DENND5A: variants seen among roughly 807,000 people sequenced by gnomAD.
DENND5A encodes DENN domain containing 5A, also known as DENN domain-containing protein 5A.
DENND5A carries 64 observed loss-of-function variants against 140.3 expected under a neutral mutation model. The ratio of observed to expected loss-of-function variants is 0.46; its 90% CI spans 0.37 to 0.56. The LOEUF is 0.56. DENND5A is among the 20% of genes least tolerant of loss of function. The probability of loss-of-function intolerance (pLI) is 0.00; values close to 1 mark genes in which losing one functional copy is unlikely to be tolerated. For synonymous variants in DENND5A, 605 were observed against 607.7 expected (o/e 1.00, Z 0.07); for missense variants, 1,292 against 1,593.8 (o/e 0.81, Z 3.22).
At chr11:9,228,735 T>A (rs1333186527) in intron 1 of DENND5A, among the ~76,000 whole-genome samples, 2 of 149,006 alleles carry the variant, frequency 1.3e-5, no homozygotes, top group African/African-American at 5.0e-5. Context: ...AAAAAAAACA[T>A]AAACAACAGG....
chr11:9,218,665 G>A lies in DENND5A; in HGVS notation c.110-11033C>T, dbSNP rs1040791867. 2.0e-5 allele frequency among the ~76,000 whole-genome samples: 3 copies of A among 152,138 alleles called. No homozygotes were observed. The East Asian group carries it at 5.8e-4, about 29-fold the overall frequency. On this transcript the variant is annotated intron_variant, in intron 1 of 22. Coordinates refer to ENST00000328194, the MANE Select transcript of DENND5A (RefSeq NM_015213.4). ...ATGAAGGTTAGAGTGAGCTGTGATC[G>A]TGTCACTGCACTCCAGCTGGGTGAC...
intron 17 of DENND5A, chr11:9,145,339 G>GGGA: frequency 3.4e-6 from 2 of 588,626 alleles, no homozygotes; most frequent in Non-Finnish European, 6.0e-6. Context: ...GGGTCAGGGA[G>GGGA]CAAGAGATTC....
At chr11:9,232,445 A>G (rs894388921) in intron 1 of DENND5A, among the ~76,000 whole-genome samples, 27 of 152,224 alleles carry the variant, frequency 1.8e-4, no homozygotes, top group African/African-American at 5.3e-4. Flanking sequence ...ACTTCAAAAA[A>G]GACATATAAA....
rs982351926 is a variant in DENND5A, at chr11:9,193,479, C to T, written c.1137+15G>A. The T allele has an allele frequency of 1.9e-6, 3 of 1,570,172 alleles. No individual in the cohort carries two copies. Among genetic ancestry groups the T allele is most frequent in the South Asian group, 1.2e-5 (1 of 83,788 alleles). ...CCTGGATTGGGGCCAGAGGCACCAA[C>T]ACTCAAGATCTCACCTCTTGAGGCA... is the stretch of plus-strand genomic sequence containing the variant. On this transcript the variant is annotated intron_variant, in intron 5 of 22. Transcript: ENST00000328194.
chr11:9,170,667 G>T lies in DENND5A; in HGVS notation c.2017C>A (p.Leu673Met), dbSNP rs763748455. Reference protein sequence around the residue: ...GKYEPGFFPKLQSDVLSTGPA... With the variant: ...GKYEPGFFPKMQSDVLSTGPA... ...CCAGTGGAAAGTACATCAGACTGCAGCTTAGGGAAGAAGCCCGGCTCATAT... is the reference window on the plus strand; with the variant it reads ...CCAGTGGAAAGTACATCAGACTGCATCTTAGGGAAGAAGCCCGGCTCATAT... The change falls in exon 9 of 23, where the codon CTG becomes ATG. Residue 673 changes from leucine to methionine, a missense_variant. By Grantham distance (15) the Leu-to-Met change is conservative. Coordinates refer to ENST00000328194, the MANE Select transcript of DENND5A (RefSeq NM_015213.4). 3 of 1,613,894 alleles carry T rather than the reference G, an allele frequency of 1.9e-6. No individual in the cohort carries two copies. Among genetic ancestry groups the T allele is most frequent in the South Asian group, 1.1e-5 (1 of 91,074 alleles).
Position 9,203,846 on chromosome 11 carries a change from G to T in DENND5A, c.763C>A (p.Pro255Thr). The T allele has an allele frequency of 6.2e-7, 1 of 1,614,188 alleles. No homozygotes were observed. The highest frequency in any genetic ancestry group is 8.5e-7 in the Non-Finnish European group (1 of 1,180,034). ...GAAAACTTCAAGGACCGGCCAGGAG[G>T]TGGGAGCGGCACCTCGTAGAGTACG... ...YNVLYEVPLP[P>T]PGRSLKFSGV... Residue 255 changes from proline to threonine, a missense_variant, in exon 4 of 23, where the codon CCT (proline) becomes ACT (threonine). Transcript: ENST00000328194.
intron 1 of DENND5A, among the ~76,000 whole-genome samples, chr11:9,227,020 T>A (rs1850556020): frequency 6.6e-6 from 1 of 151,616 alleles, no homozygotes; most frequent in Non-Finnish European, 1.5e-5. Flanking sequence ...AATACAAAAT[T>A]AGCCGGGCAT....
At chr11:9,245,677 A>C (rs1851442094) in intron 1 of DENND5A, among the ~76,000 whole-genome samples, 1 of 151,576 alleles carries the variant, frequency 6.6e-6, no homozygotes, top group Non-Finnish European at 1.5e-5. Flanking sequence ...TCTGTCCCCT[A>C]GGCTGGAGTG....
At chr11:9,183,138 G>A (rs948861312) in intron 5 of DENND5A, among the ~76,000 whole-genome samples, 2 of 152,158 alleles carry the variant, frequency 1.3e-5, no homozygotes, top group Non-Finnish European at 2.9e-5. Flanking sequence ...ATAAATTACA[G>A]AAGCCTTTCA....
chr11:9,228,227 G>C (rs1405403518), intron 1 of DENND5A, among the ~76,000 whole-genome samples: 2 of 151,512 alleles, frequency 1.3e-5, no homozygotes, highest in Non-Finnish European at 2.9e-5. Flanking sequence ...CTAATGACAT[G>C]ACTGGTGACC....
intron 1 of DENND5A, among the ~76,000 whole-genome samples, chr11:9,241,086 C>G (rs1414178511): frequency 6.6e-6 from 1 of 152,168 alleles, no homozygotes; most frequent in Non-Finnish European, 1.5e-5. Context: ...TCCTCACAAG[C>G]TGATCCAAGT....
chr11:9,261,148 G>C (rs1480249254), intron 1 of DENND5A, among the ~76,000 whole-genome samples: 15 of 152,144 alleles, frequency 9.9e-5, no homozygotes. Flanking sequence ...ACTGCGCCCA[G>C]CCTCCATGTT....
chr11:9,147,171 A>G lies in DENND5A; in HGVS notation c.2736-20T>C, dbSNP rs1564880935. ...AACTTTCTGTTGGAGAGGAGGTAAT[A>G]CATCAGTCTCCGACCAAAAGGAAGG... On this transcript the variant is annotated intron_variant, in intron 15 of 22. Transcript: ENST00000328194. 2 of 1,612,900 alleles carry G rather than the reference A, an allele frequency of 1.2e-6. No individual in the cohort carries two copies. Among genetic ancestry groups the G allele is most frequent in the Non-Finnish European group, 1.7e-6 (2 of 1,179,274 alleles).
intron 1 of DENND5A, among the ~76,000 whole-genome samples, chr11:9,213,816 A>AAAAAAAAAAAAAAAAG (rs1326114808): frequency 6.0e-5 from 9 of 150,214 alleles, no homozygotes; most frequent in African/African-American, 1.7e-4. Flanking sequence ...CCCAAAAAAA[A>AAAAAAAAAAAAAAAAG]AAGAAGAAGA....
At chr11:9,239,009 T>G (rs930456228) in intron 1 of DENND5A, among the ~76,000 whole-genome samples, 35 of 151,374 alleles carry the variant, frequency 2.3e-4, no homozygotes, top group East Asian at 9.8e-4. Context: ...TTTTTGTATT[T>G]TTAGTAGAGA....
chr11:9,195,020 CT>C (rs574310334), intron 4 of DENND5A, among the ~76,000 whole-genome samples: 9,256 of 119,030 alleles, frequency 0.078, 920 homozygotes, highest in African/African-American at 0.24. Context: ...CCCAGCCAGC[CT>C]TTTTTTTTTT....
chr11:9,249,467 AC>A (rs2136287215), intron 1 of DENND5A, among the ~76,000 whole-genome samples: 1 of 152,200 alleles, frequency 6.6e-6, no homozygotes, highest in East Asian at 1.9e-4. Context: ...CCAGGCTCAA[AC>A]GATCCTCCCA....
chr11:9,264,844 C>A, intron 1 of DENND5A, 117 bp downstream of exon 1: 3 of 910,928 alleles, frequency 3.3e-6, no homozygotes, highest in South Asian at 3.1e-5. Flanking sequence ...CCGCCCTGGT[C>A]CTCCCGGCCG....
At chr11:9,261,651 G>A (rs535896258) in intron 1 of DENND5A, among the ~76,000 whole-genome samples, 16 of 151,878 alleles carry the variant, frequency 1.1e-4, no homozygotes, top group East Asian at 3.9e-4. Context: ...GGTGGCACGC[G>A]CGGCTCATAA....
Sources: gnomAD v4.1 joint callset for allele counts (sites outside exome capture counted in the v4.1 genomes callset) on GRCh38, gnomAD v4.1.1 for gene constraint, MANE v1.5 for transcripts, NCBI Gene and HGNC (gene_info 2026-07-23, HGNC 2026-07-21) for gene names.